The following TENM1 variants were observed in gnomAD, a reference collection of about 807,000 sequenced individuals.
TENM1 encodes the protein teneurin transmembrane protein 1.
A neutral mutation model predicts 174.8 loss-of-function variants in TENM1; 35 were observed. The observed-to-expected ratio is 0.20, with a 90% confidence interval of 0.15 to 0.27. TENM1 has a LOEUF of 0.27. TENM1 is among the 10% of genes least tolerant of loss of function. The pLI, the probability that TENM1 is intolerant of heterozygous loss-of-function variation, is 1.00. For synonymous variants in TENM1, 781 were observed against 798.7 expected (o/e 0.98, Z 0.37); for missense variants, 1,633 against 2,130.1 (o/e 0.77, Z 4.59).
chrX:124,561,616 T>C (rs1401137402), intron 14 of TENM1, 55 bp downstream of exon 17: 7 of 1,189,131 alleles, frequency 5.9e-6, no homozygotes, highest in South Asian at 3.7e-5. Context: ...TGATTACCAC[T>C]GTGCTAGAGG....
At chrX:125,027,611 C>CTTT in the TENM1 span, among the ~76,000 whole-genome samples, 51 of 83,036 alleles carry the variant, frequency 6.1e-4, 1 homozygote, top group South Asian at 1.1e-3. Flanking sequence ...TTTTCTTTTT[C>CTTT]TTTTTTTTTT....
At chrX:124,423,652 G>C (rs201603030) in intron 23 of TENM1, among the ~76,000 whole-genome samples, 5 of 110,889 alleles carry the variant, frequency 4.5e-5, no homozygotes, top group African/African-American at 6.6e-5. Flanking sequence ...GGAAGTTGAG[G>C]GGGGAGGGGC....
At chrX:124,824,617 T>A (rs1165456207) in intron 3 of TENM1, among the ~76,000 whole-genome samples, 1 of 111,977 alleles carries the variant, frequency 8.9e-6, no homozygotes, top group Non-Finnish European at 1.9e-5. Context: ...TTTTACAGAT[T>A]AAAACACATT....
chrX:124,494,894 T>A (rs1303432399), intron 20 of TENM1, among the ~76,000 whole-genome samples: 3 of 98,812 alleles, frequency 3.0e-5, no homozygotes, highest in Non-Finnish European at 6.1e-5. Flanking sequence ...TGCCACATTT[T>A]CTTAATCCAG....
chrX:124,427,150 C>T (rs1402791886), intron 23 of TENM1, among the ~76,000 whole-genome samples: 1 of 112,096 alleles, frequency 8.9e-6, no homozygotes, highest in Non-Finnish European at 1.9e-5. Context: ...AAAAACAAAC[C>T]TGGCAGAAAT....
the TENM1 span, among the ~76,000 whole-genome samples, chrX:124,983,956 A>T: frequency 1.8e-5 from 2 of 112,058 alleles, no homozygotes; most frequent in Non-Finnish European, 3.8e-5. Flanking sequence ...ATATAATCAC[A>T]TTAAAATAAA....
chrX:124,718,920 G>A (rs2148517216), intron 4 of TENM1, among the ~76,000 whole-genome samples: 1 of 111,752 alleles, frequency 8.9e-6, no homozygotes. Flanking sequence ...GACATTTTTG[G>A]TTATCACAAC....
chrX:124,666,331 T>A (rs1260553637), intron 6 of TENM1, among the ~76,000 whole-genome samples: 1 of 111,588 alleles, frequency 9.0e-6, no homozygotes, highest in African/African-American at 3.3e-5. Flanking sequence ...TATCCTCAAC[T>A]ACCCAATAAA....
intron 3 of TENM1, among the ~76,000 whole-genome samples, chrX:124,860,191 T>C (rs1226872961): frequency 8.9e-6 from 1 of 112,001 alleles, no homozygotes; most frequent in Non-Finnish European, 1.9e-5. Context: ...TAGGTAAAGC[T>C]ATAAAATTAT....
At chrX:125,105,843 C>T in the TENM1 span, among the ~76,000 whole-genome samples, 47 of 111,955 alleles carry the variant, frequency 4.2e-4, no homozygotes, top group African/African-American at 1.5e-3. Flanking sequence ...GAGTGATAAA[C>T]CCAACAGGGA....
chrX:124,444,641 GT>G (rs1205592661), intron 23 of TENM1, among the ~76,000 whole-genome samples: 31 of 104,318 alleles, frequency 3.0e-4, no homozygotes, highest in Middle Eastern at 9.8e-3. Flanking sequence ...TGTGGCTAAA[GT>G]TTTTTTTTTT....
At chrX:124,951,875 G>T (rs1455125009) in intron 1 of TENM1, among the ~76,000 whole-genome samples, 2 of 109,366 alleles carry the variant, frequency 1.8e-5, no homozygotes, top group African/African-American at 6.6e-5. Flanking sequence ...CAGCCAGCCC[G>T]CTTGTAGCTT....
intron 23 of TENM1, among the ~76,000 whole-genome samples, chrX:124,441,848 C>G (rs1331420585): frequency 8.9e-6 from 1 of 111,774 alleles, no homozygotes; most frequent in Non-Finnish European, 1.9e-5. Context: ...TTAAACTAAC[C>G]ATGACCAATT....
intron 9 of TENM1, among the ~76,000 whole-genome samples, chrX:124,646,166 A>G (rs777127671): frequency 3.6e-5 from 4 of 112,341 alleles, no homozygotes; most frequent in African/African-American, 1.3e-4. Context: ...CAAAAATTAA[A>G]CTATGGGCAA....
At chrX:125,153,034 C>T in the TENM1 span, among the ~76,000 whole-genome samples, 1 of 111,734 alleles carries the variant, frequency 8.9e-6, no homozygotes, top group East Asian at 2.8e-4. Flanking sequence ...GAGGTAAAAA[C>T]TTTGTTTCCC....
At chrX:124,386,524 A>T (rs1199472354) in intron 28 of TENM1, among the ~76,000 whole-genome samples, 3 of 110,882 alleles carry the variant, frequency 2.7e-5, no homozygotes, top group African/African-American at 9.9e-5. Flanking sequence ...GATATGAAAA[A>T]GAACACGGCT....
At chrX:124,499,263 A>C (rs957701854) in intron 19 of TENM1, among the ~76,000 whole-genome samples, 1 of 111,627 alleles carries the variant, frequency 9.0e-6, no homozygotes, top group African/African-American at 3.3e-5. Context: ...GTCCTACCAC[A>C]GAAACTATTG....
At chrX:124,554,781 T>C (rs1602654016) in intron 14 of TENM1, among the ~76,000 whole-genome samples, 1 of 111,967 alleles carries the variant, frequency 8.9e-6, no homozygotes, top group Non-Finnish European at 1.9e-5. Flanking sequence ...CTAGAAACAC[T>C]ACATCATAAA....
intron 4 of TENM1, among the ~76,000 whole-genome samples, chrX:124,713,568 G>A (rs1175807841): frequency 8.9e-6 from 1 of 112,041 alleles, no homozygotes; most frequent in Admixed American, 9.4e-5. Flanking sequence ...ATGCCCAGCC[G>A]GGAGATCCTT....
Sources: allele counts gnomAD v4.1 joint callset (sites outside exome capture counted in the v4.1 genomes callset), GRCh38; gene constraint gnomAD v4.1.1; transcripts MANE v1.5; gene names NCBI Gene and HGNC (gene_info 2026-07-23, HGNC 2026-07-21).